Variants in SLC36A4 observed in about 807,000 individuals in gnomAD.
SLC36A4 encodes solute carrier family 36 member 4.
Under a neutral mutation model 50.5 loss-of-function variants are expected in SLC36A4, and 49 were observed. The ratio of observed to expected loss-of-function variants is 0.97; its 90% CI spans 0.77 to 1.23. The LOEUF (loss-of-function observed/expected upper bound fraction) is 1.23. Among genes scored for constraint, SLC36A4 ranks in the 50% most tolerant of loss-of-function variants. SLC36A4 has a pLI of 0.00. For missense variants in SLC36A4, 611 were observed against 608.4 expected (o/e 1.00, Z -0.05); for synonymous variants, 207 against 206.5 (o/e 1.00, Z -0.02).
chr11:93,154,490 C>A lies in SLC36A4; in HGVS notation c.1038-213G>T, dbSNP rs991929920. On this transcript the variant is annotated intron_variant, in intron 9 of 10. Coordinates refer to ENST00000326402, the MANE Select transcript of SLC36A4 (RefSeq NM_152313.4). ...AATTCATTTTCACAAGACTGGAAAGCTTGAACATGCATGCCAGGGTTTAGG... is the reference window on the plus strand; with the variant it reads ...AATTCATTTTCACAAGACTGGAAAGATTGAACATGCATGCCAGGGTTTAGG... 4.1e-4 allele frequency: 108 copies of A among 266,118 alleles called. 1 individual carries two copies. The highest frequency in any genetic ancestry group is 6.8e-4 in the Non-Finnish European group (98 of 143,978). The allele number at this position is 266,118 out of a possible 1,614,324, so 16.5% of individuals were successfully genotyped here.
chr11:93,168,253 T>C (rs1860974653), intron 6 of SLC36A4, 82 bp from the exon 7 acceptor site: 1 of 724,470 alleles, frequency 1.4e-6, no homozygotes, highest in Admixed American at 2.8e-5. Flanking sequence ...ACAAAGAAAA[T>C]CACAACATAT....
In SLC36A4 at chr11:93,180,845, C is replaced by T. The variant is rs1451963631; in HGVS notation, c.492G>A (p.Leu164=). ...VVDFFLVITQ[L]GFCSVYIVFL... ...AGACAATATAAACACTACAGAATCCCAGCTGTGTTATCACCAGAAAAAAGT... is the reference window on the plus strand; with the variant it reads ...AGACAATATAAACACTACAGAATCCTAGCTGTGTTATCACCAGAAAAAAGT... The change falls in exon 6 of 11, where the codon CTG becomes CTA. Residue 164 remains leucine, a synonymous_variant. Transcript: ENST00000326402. 1 of 1,612,970 alleles carries T rather than the reference C, an allele frequency of 6.2e-7. No homozygotes were observed. The highest frequency in any genetic ancestry group is 8.5e-7 in the Non-Finnish European group (1 of 1,179,306).
chr11:93,171,327 T>G (rs1424436705), intron 6 of SLC36A4: 1 of 152,068 alleles, frequency 6.6e-6, no homozygotes, highest in Non-Finnish European at 1.5e-5. Flanking sequence ...TTATAAGCAT[T>G]TATTTTATCG....
rs1239036125 is a variant in SLC36A4, at chr11:93,184,482, A to G, written c.218T>C (p.Ile73Thr). ...QTLMHLLKGNIGTGLLGLPLA... is the reference protein window; with the variant it reads ...QTLMHLLKGNTGTGLLGLPLA... ...TGGAAGTCCTAAAAGGCCAGTTCCAATATTTCCTTTAAGAAGGTGCATAAG... is the reference window on the plus strand; with the variant it reads ...TGGAAGTCCTAAAAGGCCAGTTCCAGTATTTCCTTTAAGAAGGTGCATAAG... The change falls in exon 3 of 11, where the codon ATT becomes ACT. Residue 73 changes from isoleucine (I) to threonine (T), a missense_variant. Ile to Thr is a moderately conservative substitution (Grantham distance 89). Coordinates refer to ENST00000326402, the MANE Select transcript of SLC36A4 (RefSeq NM_152313.4). 6.2e-7 allele frequency: 1 copy of G among 1,612,184 alleles called. No homozygotes were observed. The highest frequency in any genetic ancestry group is 1.7e-5 in the Admixed American group (1 of 59,962).
chr11:93,170,690 C>G (rs1861094438), intron 6 of SLC36A4, among the ~76,000 whole-genome samples: 1 of 152,000 alleles, frequency 6.6e-6, no homozygotes, highest in African/African-American at 2.4e-5. Context: ...CTACATACCA[C>G]TATTTTATCT....
chr11:93,185,703 T>C lies in SLC36A4; in HGVS notation c.167A>G (p.Gln56Arg), dbSNP rs576821473. Residue 56 changes from glutamine to arginine, a missense_variant, in exon 2 of 11, where the codon CAA (glutamine) becomes CGA (arginine). By Grantham distance (43) the Gln-to-Arg change is conservative. Coordinates refer to ENST00000326402, the MANE Select transcript of SLC36A4 (RefSeq NM_152313.4). ...CCATAACACTTACGAAATGCCCTCT[T>C]GATCATCAAGTTGGTAATGCTTCTG... ...PVQKHYQLDD[Q>R]EGISFVQTLM... is the part of the protein sequence containing the mutation. 29 of 1,591,760 alleles carry C rather than the reference T, an allele frequency of 1.8e-5. No individual in the cohort carries two copies. In the South Asian group the frequency reaches 3.0e-4, roughly 17 times the overall value.
At chr11:93,153,235 TC>T (rs918375747) in intron 10 of SLC36A4, among the ~76,000 whole-genome samples, 7 of 152,072 alleles carry the variant, frequency 4.6e-5, no homozygotes, top group Admixed American at 4.6e-4. Context: ...AGCTGCTTGT[TC>T]CCCAGAACAC....
chr11:93,164,825 G>C (rs997143312), intron 8 of SLC36A4, among the ~76,000 whole-genome samples: 7 of 152,136 alleles, frequency 4.6e-5, no homozygotes, highest in African/African-American at 1.4e-4. Context: ...TTGAAATAGA[G>C]AACCAAGGAC....
rs1859819868 is a variant in SLC36A4, at chr11:93,144,978, C to G, written c.*3559G>C. 2 of 151,994 alleles carry G rather than the reference C, an allele frequency of 1.3e-5. No homozygotes were observed. The highest frequency in any genetic ancestry group is 4.8e-5 in the African/African-American group (2 of 41,422). 9.4% of individuals were successfully genotyped at this position (151,994 alleles called of 1,614,324 possible). A position where few individuals can be genotyped will look rare whatever the true frequency, so the allele number is the denominator to read the frequency against. On this transcript the variant is annotated 3_prime_UTR_variant, in exon 11 of 11. Coordinates refer to ENST00000326402, the MANE Select transcript of SLC36A4 (RefSeq NM_152313.4). ...ATTTTATTTATTATTTACACTAGCT[C>G]TATTTCAAATCTTCTCCTTTTAAAT...
rs115827680 is a variant in SLC36A4 at position 93,192,053 on chromosome 11, T to C, written c.55+5725A>G. Among the ~76,000 whole-genome samples, 1,095 of 152,028 alleles carry C rather than the reference T, an allele frequency of 7.2e-3. 11 individuals carry two copies. Among genetic ancestry groups the C allele is most frequent in the African/African-American group, 0.025 (1,038 of 41,464 alleles). On this transcript the variant is annotated intron_variant, in intron 1 of 10. Coordinates refer to ENST00000326402, the MANE Select transcript of SLC36A4 (RefSeq NM_152313.4). ...ATAATTACTAAAACTCAAAAAAAAA[T>C]CCTGCCTTCATGGAGCTCAAATTTT...
intron 9 of SLC36A4, chr11:93,159,709 C>T (rs1182868262): frequency 1.8e-6 from 1 of 556,854 alleles, no homozygotes; most frequent in East Asian, 1.4e-4. Flanking sequence ...AAGCTAAATG[C>T]AATACATGTA....
rs780512480 is a variant in SLC36A4, at chr11:93,180,820, A to C, written c.517T>G (p.Phe173Val). 2 of 1,612,370 alleles carry C rather than the reference A, an allele frequency of 1.2e-6. No homozygotes were observed. Among genetic ancestry groups the C allele is most frequent in the Non-Finnish European group, 1.7e-6 (2 of 1,179,062 alleles). ...QLGFCSVYIV[F>V]LAENVKQVHE... ...ACTTGTTTCACATTTTCAGCTAAGA[A>C]GACAATATAAACACTACAGAATCCC... Residue 173 changes from phenylalanine (F) to valine (V), a missense_variant, in exon 6 of 11, where the codon TTC becomes GTC. Phe to Val is a conservative substitution (Grantham distance 50). Transcript: ENST00000326402.
chr11:93,182,791 C>T lies in SLC36A4; in HGVS notation c.359+15G>A. On this transcript the variant is annotated intron_variant, in intron 4 of 10. Coordinates refer to ENST00000326402, the MANE Select transcript of SLC36A4 (RefSeq NM_152313.4). Reference sequence around the variant, plus strand: ...ATAGCTTTAAAATAAATAGGCTTAACAAATCCACATTTACCTCAGACATAG... The same window carrying T: ...ATAGCTTTAAAATAAATAGGCTTAATAAATCCACATTTACCTCAGACATAG... 6.3e-7 allele frequency: 1 copy of T among 1,578,218 alleles called. No homozygotes were observed. The highest frequency in any genetic ancestry group is 8.7e-7 in the Non-Finnish European group (1 of 1,152,326).
chr11:93,144,997 T>G lies in SLC36A4; in HGVS notation c.*3540A>C, dbSNP rs1859820283. 1 of 152,008 alleles carries G rather than the reference T, an allele frequency of 6.6e-6. No individual in the cohort carries two copies. 9.4% of individuals were successfully genotyped at this position (152,008 alleles called of 1,614,324 possible). A position where few individuals can be genotyped will look rare whatever the true frequency, so the allele number is the denominator to read the frequency against. On this transcript the variant is annotated 3_prime_UTR_variant, in exon 11 of 11. Coordinates refer to ENST00000326402, the MANE Select transcript of SLC36A4 (RefSeq NM_152313.4). ...CTAGCTCTATTTCAAATCTTCTCCT[T>G]TTAAATGAAGAAAGAAGTGAGGTCA...
intron 1 of SLC36A4, among the ~76,000 whole-genome samples, chr11:93,188,015 T>G (rs992229207): frequency 6.6e-6 from 1 of 152,148 alleles, no homozygotes; most frequent in Non-Finnish European, 1.5e-5. Flanking sequence ...CTGAAGGAGA[T>G]TTTCATGGTG....
Position 93,168,147 on chromosome 11 carries a change from T to C in SLC36A4, c.565A>G (p.Lys189Glu), listed in dbSNP as rs756708847. ...KQVHEGFLES[K>E]VFISNSTNSS... ...TTGGTACTATTTGAAATAAACACTT[T>C]ACTCTCCAGGAATCCTTCATGAACC... is the stretch of plus-strand genomic sequence containing the variant. Residue 189 changes from lysine (K) to glutamate (E), a missense_variant, in exon 7 of 11, where the codon AAA (lysine) becomes GAA (glutamate). By Grantham distance (56) the Lys-to-Glu change is moderately conservative (BLOSUM62 1). Coordinates refer to ENST00000326402, the MANE Select transcript of SLC36A4 (RefSeq NM_152313.4). 4 of 1,610,422 alleles carry C rather than the reference T, an allele frequency of 2.5e-6. No homozygotes were observed. Among genetic ancestry groups the C allele is most frequent in the Non-Finnish European group, 3.4e-6 (4 of 1,178,228 alleles).
At chr11:93,162,914 A>G (rs1860696099) in intron 8 of SLC36A4, 39 bp from the exon 9 acceptor site, 1 of 1,572,754 alleles carries the variant, frequency 6.4e-7, no homozygotes, top group Admixed American at 1.8e-5. Flanking sequence ...AAGGGAATAC[A>G]AGTATTTAAA....
At chr11:93,186,220 A>G (rs1458893799) in intron 1 of SLC36A4, among the ~76,000 whole-genome samples, 1 of 152,232 alleles carries the variant, frequency 6.6e-6, no homozygotes, top group African/African-American at 2.4e-5. Context: ...TGAAAATTAC[A>G]AAGTGATTCC....
Position 93,148,392 on chromosome 11 carries a change from T to G in SLC36A4, c.*145A>C. 1 of 754,476 alleles carries G rather than the reference T, an allele frequency of 1.3e-6. No individual in the cohort carries two copies. The highest frequency in any genetic ancestry group is 2.2e-6 in the Non-Finnish European group (1 of 463,356). The allele number at this position is 754,476 out of a possible 1,614,324, so 46.7% of individuals were successfully genotyped here. ...TAGGTTTACCACTACTGGTAAAGAGTTATGATTACTTCCAAAATATTAATA... is the reference window on the plus strand; with the variant it reads ...TAGGTTTACCACTACTGGTAAAGAGGTATGATTACTTCCAAAATATTAATA... On this transcript the variant is annotated 3_prime_UTR_variant, in exon 11 of 11. Coordinates refer to ENST00000326402, the MANE Select transcript of SLC36A4 (RefSeq NM_152313.4).
Sources: allele counts gnomAD v4.1 joint callset (sites outside exome capture counted in the v4.1 genomes callset), GRCh38; gene constraint gnomAD v4.1.1; transcripts MANE v1.5; gene names NCBI Gene and HGNC (gene_info 2026-07-23, HGNC 2026-07-21).